BTBD2: variants seen among roughly 807,000 people sequenced by gnomAD.
The protein encoded by BTBD2 is BTB/POZ domain-containing protein 2.
A neutral mutation model predicts 44.0 loss-of-function variants in BTBD2; 15 were observed. The observed-to-expected ratio is 0.34, with a 90% CI of 0.23 to 0.53. The LOEUF is 0.53. Ranked by LOEUF, BTBD2 falls within the 20% of genes least tolerant of loss-of-function variation. The pLI, the probability that BTBD2 is intolerant of heterozygous loss-of-function variation, is 0.95. For missense variants in BTBD2, 657 were observed against 746.4 expected (o/e 0.88, Z 1.39); for synonymous variants, 443 against 335.9 (o/e 1.32, Z -3.49).
chr19:1,999,923 T>C (rs1232335833), intron 1 of BTBD2, among the ~76,000 whole-genome samples: 5 of 148,256 alleles, frequency 3.4e-5, no homozygotes, highest in Admixed American at 6.8e-5. Context: ...GATCACGCCA[T>C]TGCACTCCTG....
chr19:2,010,785 C>G lies in BTBD2; in HGVS notation c.407+4512G>C, dbSNP rs532574334. Reference sequence around the variant, plus strand: ...CTCTGAGTAGCTGGGATTACAGGTGCGTGCCACCGCGCCCAGCTTATTTGT... The same window carrying G: ...CTCTGAGTAGCTGGGATTACAGGTGGGTGCCACCGCGCCCAGCTTATTTGT... On this transcript the variant is annotated intron_variant, in intron 1 of 8. Transcript: ENST00000255608. 2.0e-5 allele frequency among the ~76,000 whole-genome samples: 3 copies of G among 152,244 alleles called. No individual in the cohort carries two copies. The East Asian group carries it at 5.8e-4, about 29-fold the overall frequency.
chr19:1,992,940 TC>T, intron 3 of BTBD2, 79 bp downstream of exon 3: 1 of 184,932 alleles, frequency 5.4e-6, no homozygotes, highest in Non-Finnish European at 7.5e-6. Flanking sequence ...CGCCTCCGCC[TC>T]CAGCCTCGGT....
rs1414347342 is a variant in BTBD2, at chr19:2,015,508, C to T, written c.196G>A (p.Gly66Arg). The T allele has an allele frequency of 2.1e-5, 21 of 984,920 alleles. No homozygotes were observed. Among genetic ancestry groups the T allele is most frequent in the Non-Finnish European group, 2.5e-5 (21 of 833,256 alleles). 61.0% of individuals were successfully genotyped at this position (984,920 alleles called of 1,614,324 possible). A position where few individuals can be genotyped will look rare whatever the true frequency, so the allele number is the denominator to read the frequency against. ...GPTPPAPPGP[G>R]TDAQAAGAER... ...GCGCCCGCGGCCTGCGCGTCTGTCC[C>T]GGGGCCCGGCGGGGCGGGCGGCGTC... Residue 66 changes from glycine to arginine, a missense_variant, in exon 1 of 9, where the codon GGG becomes AGG. Transcript: ENST00000255608.
chr19:2,009,007 A>C lies in BTBD2; in HGVS notation c.407+6290T>G, dbSNP rs192158731. On this transcript the variant is annotated intron_variant, in intron 1 of 8. Transcript: ENST00000255608. ...AGCAGTCAATGAAATGTGAGACCCC[A>C]GAACACACTGTTCTTTTTTTTTTTT... 3.1e-3 allele frequency among the ~76,000 whole-genome samples: 457 copies of C among 147,570 alleles called. 3 individuals carry two copies. The highest frequency in any genetic ancestry group is 0.011 in the African/African-American group (430 of 39,054).
Position 1,990,011 on chromosome 19 carries a change from G to A in BTBD2, c.981C>T (p.Phe327=), listed in dbSNP as rs765594846. The stretch of plus-strand genomic sequence containing the variant: ...GAGCCCGAGCTCTGTTACCTGCAGC[G>A]AACTCCTCGATGGTCATGAGCGGGA... ...IRFPLMTIEE[F]AAGPAQSGIL... Residue 327 remains phenylalanine, a synonymous_variant, in exon 5 of 9, where the codon TTC becomes TTT. Coordinates refer to ENST00000255608, the MANE Select transcript of BTBD2 (RefSeq NM_017797.4). 39 of 1,613,090 alleles carry A rather than the reference G, an allele frequency of 2.4e-5. No individual in the cohort carries two copies. The highest frequency in any genetic ancestry group is 1.2e-4 in the Admixed American group (7 of 60,004).
chr19:1,989,563 ATC>A, intron 5 of BTBD2: 1 of 247,458 alleles, frequency 4.0e-6, no homozygotes, highest in Non-Finnish European at 8.1e-6. Context: ...GGCAGGAGGC[ATC>A]GTTAGCGCTG....
chr19:1,987,358 C>A, intron 6 of BTBD2, 105 bp from the exon 7 acceptor site: 2 of 1,388,928 alleles, frequency 1.4e-6, no homozygotes, highest in South Asian at 1.3e-5. Context: ...GTCCCTGAGT[C>A]CTCCACCCCC....
chr19:2,012,091 T>C (rs1336200709), intron 1 of BTBD2, among the ~76,000 whole-genome samples: 2 of 152,108 alleles, frequency 1.3e-5, no homozygotes, highest in Non-Finnish European at 2.9e-5. Flanking sequence ...CCTGACCTCA[T>C]GATTCGCCCG....
At position 1,986,044 on chromosome 19, in the gene BTBD2, G is replaced by C; in HGVS notation, c.*444C>G. On this transcript the variant is annotated 3_prime_UTR_variant, in exon 9 of 9. Transcript: ENST00000255608. ...AGGAACAAAAGGAACGCAAGGTCTGGGACCCACGGCTCTGGGAGCAGCGCC... is the reference window on the plus strand; with the variant it reads ...AGGAACAAAAGGAACGCAAGGTCTGCGACCCACGGCTCTGGGAGCAGCGCC... 5.7e-6 allele frequency: 1 copy of C among 174,364 alleles called. No homozygotes were observed. The allele number at this position is 174,364 out of a possible 1,614,324, so 10.8% of individuals were successfully genotyped here. A position where few individuals can be genotyped will look rare whatever the true frequency, so the allele number is the denominator to read the frequency against.
intron 5 of BTBD2, chr19:1,988,047 C>A (rs1205986167): frequency 4.1e-6 from 1 of 245,390 alleles, no homozygotes; most frequent in Non-Finnish European, 8.0e-6. Flanking sequence ...CCTGTTCTCT[C>A]AGGGCCATTG....
chr19:2,007,779 G>T (rs1021036656), intron 1 of BTBD2, among the ~76,000 whole-genome samples: 3 of 152,166 alleles, frequency 2.0e-5, no homozygotes, highest in African/African-American at 7.2e-5. Flanking sequence ...AGCGAGCCAA[G>T]ATCATGCCAC....
chr19:2,009,228 T>C (rs1353811261), intron 1 of BTBD2, among the ~76,000 whole-genome samples: 1 of 150,938 alleles, frequency 6.6e-6, no homozygotes, highest in Admixed American at 6.6e-5. Flanking sequence ...AGGCGGAGTC[T>C]CAGTCTGTCA....
At chr19:1,988,052 C>T in intron 5 of BTBD2, 1 of 237,858 alleles carries the variant, frequency 4.2e-6, no homozygotes, top group Non-Finnish European at 8.3e-6. Flanking sequence ...TCTCTCAGGG[C>T]CATTGGCTGG....
chr19:1,994,667 G>A (rs1428081449), intron 2 of BTBD2, among the ~76,000 whole-genome samples: 2 of 150,872 alleles, frequency 1.3e-5, no homozygotes, highest in African/African-American at 4.9e-5. Context: ...GCTGATGCAG[G>A]AGAATCACTT....
At chr19:1,993,316 C>T in intron 2 of BTBD2, 140 bp from the exon 3 acceptor site, 2 of 1,241,648 alleles carry the variant, frequency 1.6e-6, no homozygotes, top group Non-Finnish European at 2.2e-6. Context: ...ATCAGGTTCC[C>T]CGAGGAACCT....
chr19:2,011,055 G>C (rs1185676437), intron 1 of BTBD2, among the ~76,000 whole-genome samples: 1 of 152,122 alleles, frequency 6.6e-6, no homozygotes, highest in Admixed American at 6.6e-5. Context: ...TTCAATCATG[G>C]AAACTGAGGC....
In BTBD2 at chr19:1,987,602, A is replaced by G. The variant is rs140995464; in HGVS notation, c.1079T>C (p.Ile360Thr). ...ACGCAGGCAGCAGCGGGGCCGGTCA[A>G]TGAACTCCACTCGTGGCTTGGGGTT... Reference protein sequence around the residue: ...TVNPKPRVEFIDRPRCCLRGK... With the variant: ...TVNPKPRVEFTDRPRCCLRGK... The change falls in exon 6 of 9, where the codon ATT (isoleucine) becomes ACT (threonine). Residue 360 changes from isoleucine (I) to threonine (T), a missense_variant. Coordinates refer to ENST00000255608, the MANE Select transcript of BTBD2 (RefSeq NM_017797.4). 1.6e-4 allele frequency: 261 copies of G among 1,612,658 alleles called. No homozygotes were observed. Among genetic ancestry groups the G allele is most frequent in the African/African-American group, 6.7e-5 (5 of 74,860 alleles).
intron 1 of BTBD2, chr19:2,014,682 G>A (rs754011470): frequency 1.1e-3 from 171 of 155,500 alleles, no homozygotes; most frequent in Non-Finnish European, 2.0e-3. Context: ...TCTGGGGTGC[G>A]GGCTGGGTGG....
rs1222675827 is a variant in BTBD2 at position 1,987,198 on chromosome 19, G to A, written c.1237C>T (p.His413Tyr). ...VVGFGLYGSI[H>Y]GPTDYQVNIQ... ...TTCACTTGGTAGTCGGTGGGCCCGTGGATGGATCCATACAGCCCAAATCCC... is the reference window on the plus strand; with the variant it reads ...TTCACTTGGTAGTCGGTGGGCCCGTAGATGGATCCATACAGCCCAAATCCC... Residue 413 changes from histidine to tyrosine, a missense_variant, in exon 7 of 9, where the codon CAC becomes TAC. Coordinates refer to ENST00000255608, the MANE Select transcript of BTBD2 (RefSeq NM_017797.4). The A allele has an allele frequency of 1.9e-6, 3 of 1,613,752 alleles. No homozygotes were observed. Among genetic ancestry groups the A allele is most frequent in the Non-Finnish European group, 2.5e-6 (3 of 1,179,832 alleles).
Sources: allele counts gnomAD v4.1 joint callset (sites outside exome capture counted in the v4.1 genomes callset), GRCh38; gene constraint gnomAD v4.1.1; transcripts MANE v1.5; gene names NCBI Gene and HGNC (gene_info 2026-07-23, HGNC 2026-07-21).